COPS3: variants seen among roughly 807,000 people sequenced by gnomAD.
COPS3 encodes COP9 signalosome subunit 3.
Under a neutral mutation model 58.2 loss-of-function variants are expected in COPS3, and 10 were observed. The ratio of observed to expected loss-of-function variants is 0.17; its 90% CI spans 0.11 to 0.29. The LOEUF (loss-of-function observed/expected upper bound fraction) is 0.29, where lower values mean the gene tolerates loss of function less well. Ranked by LOEUF, COPS3 falls within the 10% of genes least tolerant of loss-of-function variation. The pLI is 1.00. For synonymous variants in COPS3, 187 were observed against 181.7 expected (o/e 1.03, Z -0.24); for missense variants, 333 against 510.1 (o/e 0.65, Z 3.34).
At chr17:17,280,551 A>C (rs1567866839) in intron 1 of COPS3, 1 of 1,183,692 alleles carries the variant, frequency 8.4e-7, no homozygotes, top group Admixed American at 2.7e-5. Context: ...AAAAAAAACA[A>C]AGAAGAAGAA....
chr17:17,270,704 TA>T, intron 4 of COPS3, 53 bp downstream of exon 4: 1 of 1,419,972 alleles, frequency 7.0e-7, no homozygotes, highest in Non-Finnish European at 9.7e-7. Flanking sequence ...ATTCATTGTG[TA>T]AGCTAGTTAC....
chr17:17,254,175 A>G (rs1226758146), intron 9 of COPS3, among the ~76,000 whole-genome samples: 1 of 151,546 alleles, frequency 6.6e-6, no homozygotes, highest in East Asian at 1.9e-4. Context: ...ATGGTGACAC[A>G]TACATGCCTG....
intron 7 of COPS3, 199 bp from the exon 8 acceptor site, chr17:17,260,673 C>T (rs1210438253): frequency 1.7e-5 from 7 of 419,848 alleles, no homozygotes; most frequent in African/African-American, 1.2e-4. Context: ...CGTGATAGCA[C>T]ATGCCTGTAA....
chr17:17,280,427 G>A (rs1158237931), intron 1 of COPS3: 11 of 474,330 alleles, frequency 2.3e-5, no homozygotes, highest in Non-Finnish European at 3.3e-5. Context: ...GTGTGAGCTG[G>A]CGGGCGCCTG....
Position 17,246,936 on chromosome 17 carries a change from G to T in COPS3, c.*162C>A. ...CAAATCTGTTTCCTTTCTTTGCAGA[G>T]AAAATGGTTTTCTGAAAGCACACAG... On this transcript the variant is annotated 3_prime_UTR_variant, in exon 12 of 12. Coordinates refer to ENST00000268717, the MANE Select transcript of COPS3 (RefSeq NM_003653.4). 2 of 636,998 alleles carry T rather than the reference G, an allele frequency of 3.1e-6. No homozygotes were observed. The highest frequency in any genetic ancestry group is 1.8e-5 in the African/African-American group (1 of 55,162). 39.5% of individuals were successfully genotyped at this position (636,998 alleles called of 1,614,324 possible). A position where few individuals can be genotyped will look rare whatever the true frequency, so the allele number is the denominator to read the frequency against.
At position 17,254,814 on chromosome 17, in the gene COPS3, G is replaced by GAAAAAAAAAAAAA. The variant is rs71152853; in HGVS notation, c.1023+32_1023+44dup. On this transcript the variant is annotated intron_variant, in intron 9 of 11. Transcript: ENST00000268717. ...ACAGAGCGAGACTCCATCTCAAAAA[G>GAAAAAAAAAAAAA]AAAAAAAAAAAAAAAAAAGAAAAAG... The GAAAAAAAAAAAAA allele has an allele frequency of 9.8e-4, 802 of 821,124 alleles. 3 individuals are homozygous for GAAAAAAAAAAAAA. Among genetic ancestry groups the GAAAAAAAAAAAAA allele is most frequent in the South Asian group, 3.2e-3 (173 of 53,470 alleles). The allele number at this position is 821,124 out of a possible 1,614,324, so 50.9% of individuals were successfully genotyped here. A position where few individuals can be genotyped will look rare whatever the true frequency, so the allele number is the denominator to read the frequency against.
rs778601165 is a variant in COPS3 at position 17,260,330 on chromosome 17, A to C, written c.907T>G (p.Tyr303Asp). The change falls in exon 8 of 12, where the codon TAT (tyrosine) becomes GAT (aspartate). Residue 303 changes from tyrosine to aspartate, a missense_variant. Tyr to Asp is a radical substitution (Grantham distance 160, BLOSUM62 -3). Transcript: ENST00000268717. ...GTTAGCCTCTGAATATTCTTCTTAT[A>C]AAGAGATGACAAGCATTGCTTCACC... Reference protein sequence around the residue: ...GLVKQCLSSLYKKNIQRLTKT... With the variant: ...GLVKQCLSSLDKKNIQRLTKT... The C allele has an allele frequency of 6.2e-7, 1 of 1,614,090 alleles. No individual in the cohort carries two copies. Among genetic ancestry groups the C allele is most frequent in the Non-Finnish European group, 8.5e-7 (1 of 1,179,976 alleles).
At chr17:17,263,089 C>A (rs1597679827) in intron 6 of COPS3, among the ~76,000 whole-genome samples, 1 of 151,792 alleles carries the variant, frequency 6.6e-6, no homozygotes, top group African/African-American at 2.4e-5. Flanking sequence ...GAGATCAAGA[C>A]CATCCTGGCT....
intron 2 of COPS3, among the ~76,000 whole-genome samples, chr17:17,271,857 T>TATATATAC (rs1206258950): frequency 3.0e-5 from 4 of 135,268 alleles, no homozygotes; most frequent in African/African-American, 1.1e-4. Flanking sequence ...TATATATATA[T>TATATATAC]ACACACATAC....
At chr17:17,270,868 A>G (rs759918688) in intron 3 of COPS3, 28 bp downstream of exon 3, 8 of 1,608,490 alleles carry the variant, frequency 5.0e-6, no homozygotes, top group South Asian at 2.2e-5. Context: ...AATATTTTCA[A>G]TGGAGAATAA....
chr17:17,247,405 G>A (rs2047747176), intron 11 of COPS3, 75 bp downstream of exon 11: 1 of 1,353,976 alleles, frequency 7.4e-7, no homozygotes, highest in Middle Eastern at 1.8e-4. Flanking sequence ...CTGAAACTTA[G>A]TTCCTGTGCC....
chr17:17,275,618 C>T (rs2048444742), intron 2 of COPS3, among the ~76,000 whole-genome samples: 1 of 152,164 alleles, frequency 6.6e-6, no homozygotes, highest in African/African-American at 2.4e-5. Context: ...CAATGGTTTA[C>T]TTTCTACACC....
chr17:17,264,694 C>T, intron 6 of COPS3, 108 bp downstream of exon 6: 1 of 837,446 alleles, frequency 1.2e-6, no homozygotes, highest in South Asian at 1.8e-5. Flanking sequence ...AGGACCAACA[C>T]CTGAAACGGA....
intron 9 of COPS3, among the ~76,000 whole-genome samples, chr17:17,251,860 G>A (rs753187848): frequency 6.6e-6 from 1 of 151,914 alleles, no homozygotes; most frequent in Admixed American, 6.6e-5. Context: ...CCGAGGTCAG[G>A]AGATCAAGAC....
intron 8 of COPS3, among the ~76,000 whole-genome samples, chr17:17,259,440 G>A (rs2048045586): frequency 6.6e-6 from 1 of 152,130 alleles, no homozygotes; most frequent in Non-Finnish European, 1.5e-5. Context: ...TCAAAACCTA[G>A]CAGGTTATTT....
intron 10 of COPS3, chr17:17,247,767 A>G (rs1170909534): frequency 1.9e-5 from 9 of 482,642 alleles, no homozygotes; most frequent in Non-Finnish European, 2.6e-5. Context: ...ACCCAGCAGG[A>G]TCTAGGCAAA....
intron 9 of COPS3, 93 bp from the exon 10 acceptor site, chr17:17,249,132 G>T: frequency 1.5e-6 from 1 of 679,908 alleles, no homozygotes. Flanking sequence ...AAGCATGGAA[G>T]GCAACATGGA....
At chr17:17,260,528 G>C in intron 7 of COPS3, 54 bp from the exon 8 acceptor site, 1 of 1,568,344 alleles carries the variant, frequency 6.4e-7, no homozygotes, top group Non-Finnish European at 8.8e-7. Flanking sequence ...AAGAGGCCAG[G>C]TGTGGGGACT....
At chr17:17,274,082 G>T (rs2048408576) in intron 2 of COPS3, among the ~76,000 whole-genome samples, 1 of 152,214 alleles carries the variant, frequency 6.6e-6, no homozygotes, top group Non-Finnish European at 1.5e-5. Flanking sequence ...TATCAGGTGA[G>T]TAATGGACAT....
Sources: allele counts gnomAD v4.1 joint callset (sites outside exome capture counted in the v4.1 genomes callset), GRCh38; gene constraint gnomAD v4.1.1; transcripts MANE v1.5; gene names NCBI Gene and HGNC (gene_info 2026-07-23, HGNC 2026-07-21).